Variants in ST3GAL3 observed in about 807,000 individuals in gnomAD.
ST3GAL3 encodes CMP-N-acetylneuraminate-beta-1,4-galactoside alpha-2,3-sialyltransferase.
In ST3GAL3, 21 loss-of-function variants were observed where a neutral mutation model predicts 50.1. The ratio of observed to expected loss-of-function variants is 0.42; its 90% confidence interval spans 0.30 to 0.60. ST3GAL3 has a LOEUF of 0.60. ST3GAL3 is among the 20% of genes least tolerant of loss of function. The probability of loss-of-function intolerance (pLI) is 0.19; values close to 1 mark genes in which losing one functional copy is unlikely to be tolerated. For synonymous variants in ST3GAL3, 183 were observed against 190.0 expected (o/e 0.96, Z 0.30); for missense variants, 353 against 489.4 (o/e 0.72, Z 2.63).
At chr1:43,725,489 C>G (rs961973769) in intron 1 of ST3GAL3, among the ~76,000 whole-genome samples, 2 of 152,110 alleles carry the variant, frequency 1.3e-5, no homozygotes, top group African/African-American at 4.8e-5. Flanking sequence ...TGAGCCGCTG[C>G]GCCTGGCCTG....
chr1:43,920,299 G>A (rs1218580442), intron 9 of ST3GAL3, 105 bp from the exon 10 acceptor site: 18 of 1,444,414 alleles, frequency 1.2e-5, no homozygotes, highest in Middle Eastern at 2.1e-4. Flanking sequence ...CCCATTAAAC[G>A]CCTCATGCTC....
At chr1:43,918,113 C>CTTT (rs1304870553) in intron 9 of ST3GAL3, among the ~76,000 whole-genome samples, 3 of 52,878 alleles carry the variant, frequency 5.7e-5, no homozygotes, top group African/African-American at 1.3e-4. Flanking sequence ...AAATTTTTTT[C>CTTT]TTTCTCTTTT....
intron 1 of ST3GAL3, among the ~76,000 whole-genome samples, chr1:43,718,719 AC>A (rs1458749719): frequency 2.1e-5 from 2 of 96,834 alleles, no homozygotes; most frequent in African/African-American, 8.6e-5. Context: ...ATGGAATCTT[AC>A]TCTGTCACCC....
chr1:43,872,906 C>T (rs1376288765), intron 5 of ST3GAL3, among the ~76,000 whole-genome samples: 1 of 152,152 alleles, frequency 6.6e-6, no homozygotes, highest in Non-Finnish European at 1.5e-5. Flanking sequence ...GAAGGCCATG[C>T]TGATATCTTG....
At chr1:43,828,722 GA>G (rs1263718797) in intron 4 of ST3GAL3, among the ~76,000 whole-genome samples, 8 of 151,954 alleles carry the variant, frequency 5.3e-5, no homozygotes, top group African/African-American at 1.9e-4. Flanking sequence ...ACACCTATTA[GA>G]ATGACTAAAA....
intron 3 of ST3GAL3, among the ~76,000 whole-genome samples, chr1:43,798,230 C>G (rs1415149976): frequency 6.6e-6 from 1 of 152,154 alleles, no homozygotes; most frequent in Non-Finnish European, 1.5e-5. Context: ...ACCATCTTCT[C>G]TTCCCTAGAC....
At chr1:43,868,150 A>T (rs534944753) in intron 5 of ST3GAL3, among the ~76,000 whole-genome samples, 2 of 152,204 alleles carry the variant, frequency 1.3e-5, no homozygotes, top group Admixed American at 6.5e-5. Flanking sequence ...TTCATGTAGT[A>T]TTTCCCTATG....
At chr1:43,789,157 A>C (rs1403122147) in intron 2 of ST3GAL3, among the ~76,000 whole-genome samples, 1 of 152,194 alleles carries the variant, frequency 6.6e-6, no homozygotes, top group Non-Finnish European at 1.5e-5. Flanking sequence ...GAACAGAGAC[A>C]CAATCTGTTA....
At chr1:43,876,887 C>T (rs546366796) in intron 5 of ST3GAL3, among the ~76,000 whole-genome samples, 2 of 152,296 alleles carry the variant, frequency 1.3e-5, no homozygotes, top group African/African-American at 4.8e-5. Flanking sequence ...GTTCTAGGTA[C>T]TAGGCATGTG....
intron 9 of ST3GAL3, among the ~76,000 whole-genome samples, chr1:43,917,470 T>C (rs1435345570): frequency 3.0e-4 from 26 of 87,748 alleles, no homozygotes; most frequent in Non-Finnish European, 4.2e-5. Context: ...ATATATAATA[T>C]ATAATATATA....
rs145183805 is a variant in ST3GAL3, at chr1:43,877,304, G to A, written c.303-17079G>A. Reference sequence around the variant, plus strand: ...ATTCATGCATTGCCCAGTCTGGGGCGATGATGATGATTGTGATGTCATCTA... The same window carrying A: ...ATTCATGCATTGCCCAGTCTGGGGCAATGATGATGATTGTGATGTCATCTA... On this transcript the variant is annotated intron_variant, in intron 5 of 11. Coordinates refer to ENST00000347631, the MANE Select transcript of ST3GAL3 (RefSeq NM_006279.5). Among the ~76,000 whole-genome samples, 274 of 151,220 alleles carry A rather than the reference G, an allele frequency of 1.8e-3. 2 individuals are homozygous for A. In the Middle Eastern group the frequency reaches 0.02, roughly 11 times the overall value.
At chr1:43,923,255 C>A (rs1175570966) in intron 11 of ST3GAL3, among the ~76,000 whole-genome samples, 3 of 100,578 alleles carry the variant, frequency 3.0e-5, no homozygotes, top group African/African-American at 6.5e-5. Flanking sequence ...GACAGTAAGA[C>A]CCTGTCTCAA....
At chr1:43,736,142 T>C in intron 1 of ST3GAL3, 91 bp from the exon 2 acceptor site, 2 of 1,256,650 alleles carry the variant, frequency 1.6e-6, no homozygotes, top group Admixed American at 3.4e-5. Context: ...TTATTCTTCA[T>C]TTGGAAATTC....
chr1:43,760,359 A>G (rs1689797813), intron 2 of ST3GAL3, among the ~76,000 whole-genome samples: 1 of 152,240 alleles, frequency 6.6e-6, no homozygotes, highest in South Asian at 2.1e-4. Context: ...ATTTTTTGAT[A>G]TTTTATAACG....
chr1:43,921,264 AC>A (rs2082990880), intron 11 of ST3GAL3, among the ~76,000 whole-genome samples: 1 of 152,028 alleles, frequency 6.6e-6, no homozygotes, highest in Non-Finnish European at 1.5e-5. Flanking sequence ...CCCTCAAAAA[AC>A]CCACAACTGA....
chr1:43,911,562 C>T (rs4550096), intron 9 of ST3GAL3, among the ~76,000 whole-genome samples: 22 of 108,348 alleles, frequency 2.0e-4, no homozygotes, highest in African/African-American at 4.2e-4. Context: ...TATCTATAGA[C>T]ATATCTGTAG....
rs747611095 is a variant in ST3GAL3, at chr1:43,758,162, A to ACC, written c.118+21792_118+21793dup. Among the ~76,000 whole-genome samples the ACC allele has an allele frequency of 1.1e-3, 97 of 87,394 alleles. 1 individual carries two copies. The highest frequency in any genetic ancestry group is 3.5e-3 in the East Asian group (9 of 2,564). The allele number at this position is 87,394 out of a possible 152,430, so 57.3% of individuals were successfully genotyped here. ...TACTATACTCCATTGGCTGCATACC[A>ACC]CCCCCCCCCCCAAAAAAAAGGCAGT... On this transcript the variant is annotated intron_variant, in intron 2 of 11. Coordinates refer to ENST00000347631, the MANE Select transcript of ST3GAL3 (RefSeq NM_006279.5).
intron 4 of ST3GAL3, among the ~76,000 whole-genome samples, chr1:43,828,204 G>A (rs376819944): frequency 2.0e-5 from 3 of 152,162 alleles, no homozygotes; most frequent in African/African-American, 7.2e-5. Context: ...ATATCTGTAT[G>A]TACAAATTAA....
chr1:43,920,531 A>G lies in ST3GAL3; in HGVS notation c.872A>G (p.Asn291Ser). 2 of 1,613,312 alleles carry G rather than the reference A, an allele frequency of 1.2e-6. No homozygotes were observed. The highest frequency in any genetic ancestry group is 1.1e-5 in the South Asian group (1 of 91,056). Residue 291 changes from asparagine to serine, a missense_variant, in exon 10 of 12, where the codon AAT becomes AGT. Physicochemically the swap from Asn to Ser is conservative, Grantham distance 46 (BLOSUM62 1). Transcript: ENST00000347631. ...AFTLIGLPFN[N>S]GLMGRGNIPT... Reference sequence around the variant, plus strand: ...ACCCTCATTGGCCTGCCCTTCAACAATGGCCTCATGGGCCGGGGGGTGAGA... The same window carrying G: ...ACCCTCATTGGCCTGCCCTTCAACAGTGGCCTCATGGGCCGGGGGGTGAGA...
Sources: allele counts gnomAD v4.1 joint callset (sites outside exome capture counted in the v4.1 genomes callset), GRCh38; gene constraint gnomAD v4.1.1; transcripts MANE v1.5; gene names NCBI Gene and HGNC (gene_info 2026-07-23, HGNC 2026-07-21).